CADM2: variants seen among roughly 807,000 people sequenced by gnomAD.
CADM2 encodes the protein cell adhesion molecule 2, also known as immunoglobulin superfamily member 4D.
Under a neutral mutation model 49.8 loss-of-function variants are expected in CADM2, and 12 were observed. That is an observed-to-expected ratio of 0.24 (90% CI 0.15 to 0.39). The LOEUF (loss-of-function observed/expected upper bound fraction) is 0.39, where lower values mean the gene tolerates loss of function less well. CADM2 is among the 10% of genes least tolerant of loss of function. The probability of loss-of-function intolerance (pLI) is 1.00; values close to 1 mark genes in which losing one functional copy is unlikely to be tolerated. For missense variants in CADM2, 378 were observed against 492.3 expected (o/e 0.77, Z 2.20); for synonymous variants, 214 against 175.4 (o/e 1.22, Z -1.74).
chr3:85,658,525 T>G (rs1288535413), intron 1 of CADM2, among the ~76,000 whole-genome samples: 1 of 146,798 alleles, frequency 6.8e-6, no homozygotes, highest in African/African-American at 2.5e-5. Flanking sequence ...TATCTACCTA[T>G]CTTCTATGTA....
chr3:85,004,465 T>A (rs1290221692), intron 1 of CADM2, among the ~76,000 whole-genome samples: 2 of 152,144 alleles, frequency 1.3e-5, no homozygotes, highest in Non-Finnish European at 2.9e-5. Flanking sequence ...TTTAAATAAG[T>A]CATTTAGAAA....
intron 3 of CADM2, among the ~76,000 whole-genome samples, chr3:85,806,768 C>T (rs1443717783): frequency 6.6e-6 from 1 of 151,554 alleles, no homozygotes; most frequent in Non-Finnish European, 1.5e-5. Flanking sequence ...ACAAACAAAA[C>T]AAACAAAAAG....
intron 2 of CADM2, chr3:85,800,374 G>T (rs577998943): frequency 6.6e-6 from 1 of 152,260 alleles, no homozygotes; most frequent in South Asian, 2.1e-4. Flanking sequence ...GGCTTCAGCC[G>T]TCTTTCCATT....
At chr3:84,981,268 A>T (rs1344684180) in intron 1 of CADM2, among the ~76,000 whole-genome samples, 3 of 151,916 alleles carry the variant, frequency 2.0e-5, no homozygotes, top group East Asian at 3.9e-4. Flanking sequence ...GAGAATGATG[A>T]TTTTTAAAGG....
At chr3:85,843,895 T>TC (rs1553696089) in intron 3 of CADM2, among the ~76,000 whole-genome samples, 3 of 151,102 alleles carry the variant, frequency 2.0e-5, no homozygotes, top group African/African-American at 7.4e-5. Flanking sequence ...TGTATGTGTG[T>TC]GTGGGGGGGG....
chr3:85,886,589 T>A (rs1713689183), intron 5 of CADM2, among the ~76,000 whole-genome samples: 1 of 152,100 alleles, frequency 6.6e-6, no homozygotes, highest in South Asian at 2.1e-4. Flanking sequence ...GAGGGAATAA[T>A]TAAGTTAATA....
intron 1 of CADM2, among the ~76,000 whole-genome samples, chr3:85,652,778 T>C (rs2065087077): frequency 8.3e-6 from 1 of 121,020 alleles, no homozygotes; most frequent in Non-Finnish European, 1.7e-5. Flanking sequence ...TTTTCTTTTT[T>C]TTTTTTTTTT....
chr3:84,960,640 C>T (rs2030418222), intron 1 of CADM2, among the ~76,000 whole-genome samples: 1 of 152,166 alleles, frequency 6.6e-6, no homozygotes, highest in African/African-American at 2.4e-5. Context: ...TCTGCGACCG[C>T]AGCAGTGGAG....
chr3:86,032,926 G>T (rs78513400), intron 8 of CADM2, among the ~76,000 whole-genome samples: 25,937 of 151,554 alleles, frequency 0.17, 2,259 homozygotes, highest in South Asian at 0.24. Flanking sequence ...GAAGTTCTTT[G>T]ATGAGAGATT....
chr3:85,085,296 G>T (rs982868609), intron 1 of CADM2, among the ~76,000 whole-genome samples: 1 of 152,060 alleles, frequency 6.6e-6, no homozygotes, highest in Non-Finnish European at 1.5e-5. Context: ...CCACATGTAA[G>T]TGAGATCAGG....
intron 2 of CADM2, among the ~76,000 whole-genome samples, chr3:85,786,092 A>AT (rs1470891631): frequency 6.6e-6 from 1 of 151,974 alleles, no homozygotes; most frequent in African/African-American, 2.4e-5. Context: ...CTGTGAATGT[A>AT]TTTTTTCCAG....
intron 1 of CADM2, among the ~76,000 whole-genome samples, chr3:85,635,108 G>A (rs1258216525): frequency 6.6e-6 from 1 of 152,008 alleles, no homozygotes; most frequent in Non-Finnish European, 1.5e-5. Flanking sequence ...AAAGGGATTA[G>A]TGGATACTTC....
intron 1 of CADM2, among the ~76,000 whole-genome samples, chr3:84,980,961 G>T (rs1294859736): frequency 6.6e-6 from 1 of 151,454 alleles, no homozygotes; most frequent in African/African-American, 2.5e-5. Context: ...AAATATACTT[G>T]ATTAGTAATA....
At chr3:85,320,254 G>A (rs1329376771) in intron 1 of CADM2, among the ~76,000 whole-genome samples, 7 of 152,164 alleles carry the variant, frequency 4.6e-5, no homozygotes, top group Non-Finnish European at 1.0e-4. Context: ...GATGTCAACA[G>A]TACCTCAACT....
At chr3:85,269,140 C>T (rs1416222398) in intron 1 of CADM2, among the ~76,000 whole-genome samples, 1 of 151,100 alleles carries the variant, frequency 6.6e-6, no homozygotes, top group Non-Finnish European at 1.5e-5. Context: ...GAAATTAACA[C>T]AAAATCTAGG....
intron 3 of CADM2, among the ~76,000 whole-genome samples, chr3:85,805,157 T>G (rs564425752): frequency 6.6e-6 from 1 of 152,092 alleles, no homozygotes; most frequent in Non-Finnish European, 1.5e-5. Context: ...TTATCCAGGC[T>G]AGGCTGCAAC....
intron 1 of CADM2, among the ~76,000 whole-genome samples, chr3:85,651,089 A>G (rs1309794911): frequency 6.6e-6 from 1 of 151,908 alleles, no homozygotes. Flanking sequence ...TTATTTTAAT[A>G]CATTTCCTCA....
At chr3:85,771,021 TG>T (rs2070055153) in intron 2 of CADM2, among the ~76,000 whole-genome samples, 2 of 152,188 alleles carry the variant, frequency 1.3e-5, no homozygotes, top group South Asian at 4.1e-4. Flanking sequence ...TAATTTAAAC[TG>T]TGCCCCTCGT....
chr3:85,268,789 T>C (rs2043174491), intron 1 of CADM2, among the ~76,000 whole-genome samples: 1 of 151,122 alleles, frequency 6.6e-6, no homozygotes, highest in African/African-American at 2.4e-5. Context: ...ATGAAGAAAA[T>C]TAAAACTAAG....
Sources: gnomAD v4.1 joint callset for allele counts (sites outside exome capture counted in the v4.1 genomes callset) on GRCh38, gnomAD v4.1.1 for gene constraint, MANE v1.5 for transcripts, NCBI Gene and HGNC (gene_info 2026-07-23, HGNC 2026-07-21) for gene names.